The following TAFA1 variants were observed in gnomAD, a reference collection of about 807,000 sequenced individuals.
TAFA1 encodes chemokine-like protein TAFA-1.
TAFA1 carries 4 observed loss-of-function variants against 18.5 expected under a neutral mutation model. The ratio of observed to expected loss-of-function variants is 0.22; its 90% CI spans 0.11 to 0.49. The LOEUF (loss-of-function observed/expected upper bound fraction) is 0.49. Ranked by LOEUF, TAFA1 falls within the 20% of genes least tolerant of loss-of-function variation. The probability of loss-of-function intolerance (pLI) is 0.98; values close to 1 mark genes in which losing one functional copy is unlikely to be tolerated. For missense variants in TAFA1, 147 were observed against 169.0 expected, an observed-to-expected ratio of 0.87 and a Z score of 0.72; for synonymous variants, 56 against 55.2, an observed-to-expected ratio of 1.01 and a Z score of -0.06.
chr3:68,103,886 G>T (rs1475707322), intron 2 of TAFA1, among the ~76,000 whole-genome samples: 1 of 152,080 alleles, frequency 6.6e-6, no homozygotes, highest in Non-Finnish European at 1.5e-5. Flanking sequence ...GAATACAAAT[G>T]ATTTTCTCGA....
chr3:68,087,359 G>C (rs558382996), intron 2 of TAFA1, among the ~76,000 whole-genome samples: 92 of 152,126 alleles, frequency 6.0e-4, no homozygotes, highest in Non-Finnish European at 1.0e-3. Flanking sequence ...AATGAAATTT[G>C]ACTATCCATA....
intron 2 of TAFA1, among the ~76,000 whole-genome samples, chr3:68,226,958 G>C (rs924653006): frequency 6.6e-6 from 1 of 152,142 alleles, no homozygotes; most frequent in Non-Finnish European, 1.5e-5. Context: ...AGGAGTAAAG[G>C]GTACGTAGCC....
intron 3 of TAFA1, among the ~76,000 whole-genome samples, chr3:68,493,456 C>A (rs763831221): frequency 1.3e-5 from 2 of 152,192 alleles, no homozygotes; most frequent in Admixed American, 1.3e-4. Context: ...CATGGGTGCA[C>A]AAATGTCTCT....
At position 68,510,799 on chromosome 3, in the gene TAFA1, A is replaced by T. The variant is rs549013964; in HGVS notation, c.260-27957A>T. ...TCTTTTGCATAGTAAAGGTAAAATG[A>T]ATAAAACAAAAATAAAAATGCAAGA... is the stretch of plus-strand genomic sequence containing the variant. On this transcript the variant is annotated intron_variant, in intron 3 of 4. Coordinates refer to ENST00000478136, the MANE Select transcript of TAFA1 (RefSeq NM_213609.4). 3.6e-3 allele frequency among the ~76,000 whole-genome samples: 547 copies of T among 152,254 alleles called. 1 individual carries two copies. The highest frequency in any genetic ancestry group is 9.0e-3 in the Admixed American group (137 of 15,272).
rs771677228 is a variant in TAFA1 at position 68,545,597 on chromosome 3, A to T, written c.*1094A>T. The T allele has an allele frequency of 6.5e-5, 10 of 152,694 alleles. No individual in the cohort carries two copies. Among genetic ancestry groups the T allele is most frequent in the Non-Finnish European group, 1.5e-5 (1 of 67,994 alleles). The allele number at this position is 152,694 out of a possible 1,614,324, so 9.5% of individuals were successfully genotyped here. A position where few individuals can be genotyped will look rare whatever the true frequency, so the allele number is the denominator to read the frequency against. ...GACCAAATGTTGGACAGCCCTATTA[A>T]AGTGGTAAACAACTTCTTTCTAAAC... On this transcript the variant is annotated 3_prime_UTR_variant, in exon 5 of 5. Transcript: ENST00000478136.
At chr3:68,021,020 T>C (rs1009160863) in intron 2 of TAFA1, among the ~76,000 whole-genome samples, 6 of 151,598 alleles carry the variant, frequency 4.0e-5, no homozygotes, top group Admixed American at 3.3e-4. Context: ...ACCCCATCTC[T>C]ACTAAAAATA....
chr3:68,275,292 T>C (rs1211303924), intron 2 of TAFA1, among the ~76,000 whole-genome samples: 1 of 151,928 alleles, frequency 6.6e-6, no homozygotes, highest in Non-Finnish European at 1.5e-5. Flanking sequence ...GCAATCTTTG[T>C]GGGGGAGTGA....
At chr3:68,008,750 T>C (rs1250495408) in intron 2 of TAFA1, among the ~76,000 whole-genome samples, 1 of 152,076 alleles carries the variant, frequency 6.6e-6, no homozygotes, top group Non-Finnish European at 1.5e-5. Context: ...CAATCTCAAC[T>C]GCACACCCAT....
At chr3:68,532,880 AAATAAT>A (rs3037452) in intron 3 of TAFA1, among the ~76,000 whole-genome samples, 178 of 146,438 alleles carry the variant, frequency 1.2e-3, no homozygotes, top group South Asian at 3.2e-3. Flanking sequence ...TTGTAAAGCA[AAATAAT>A]AATAATAATA....
intron 3 of TAFA1, among the ~76,000 whole-genome samples, chr3:68,471,163 G>A (rs1017889959): frequency 5.3e-5 from 8 of 152,198 alleles, no homozygotes; most frequent in Non-Finnish European, 1.0e-4. Flanking sequence ...TTGAGATTTG[G>A]GGACCTCCAC....
At chr3:68,242,682 G>A (rs190142206) in intron 2 of TAFA1, among the ~76,000 whole-genome samples, 1 of 152,088 alleles carries the variant, frequency 6.6e-6, no homozygotes, top group Non-Finnish European at 1.5e-5. Flanking sequence ...TCCTACTTAA[G>A]TGTTATTGGT....
intron 2 of TAFA1, among the ~76,000 whole-genome samples, chr3:68,340,142 T>A (rs1050577942): frequency 6.6e-6 from 1 of 152,246 alleles, no homozygotes; most frequent in South Asian, 2.1e-4. Flanking sequence ...CCACTGTGTT[T>A]TTGACATACA....
At chr3:68,453,456 A>C (rs535787964) in intron 3 of TAFA1, among the ~76,000 whole-genome samples, 10 of 152,294 alleles carry the variant, frequency 6.6e-5, no homozygotes, top group Admixed American at 2.6e-4. Context: ...GGATGCCCCA[A>C]ATGAGGAGGA....
intron 2 of TAFA1, among the ~76,000 whole-genome samples, chr3:68,162,178 G>A (rs563391671): frequency 1.3e-5 from 2 of 152,192 alleles, no homozygotes; most frequent in East Asian, 1.9e-4. Context: ...CAGGATCAAA[G>A]GTTCCTCAAC....
intron 3 of TAFA1, among the ~76,000 whole-genome samples, chr3:68,439,585 A>G (rs1349957970): frequency 1.3e-5 from 2 of 151,794 alleles, no homozygotes; most frequent in South Asian, 2.1e-4. Flanking sequence ...AGTATACAGC[A>G]TGGGAGAAAG....
chr3:68,034,225 C>G (rs563255038), intron 2 of TAFA1, among the ~76,000 whole-genome samples: 86 of 152,248 alleles, frequency 5.6e-4, no homozygotes, highest in African/African-American at 1.9e-3. Context: ...CTGAGAGTCC[C>G]TGGAATGCTT....
chr3:68,145,731 C>T (rs1288199688), intron 2 of TAFA1: 2 of 680,486 alleles, frequency 2.9e-6, no homozygotes, highest in East Asian at 2.7e-5. Flanking sequence ...ATGGCTTAAG[C>T]ACCTCAGCAT....
chr3:68,246,918 C>T (rs2067092359), intron 2 of TAFA1: 2 of 152,108 alleles, frequency 1.3e-5, no homozygotes. Context: ...AATGTTAGAA[C>T]ATGGAATCAG....
At chr3:68,310,583 A>G (rs2068498160) in intron 2 of TAFA1, among the ~76,000 whole-genome samples, 1 of 152,210 alleles carries the variant, frequency 6.6e-6, no homozygotes, top group Non-Finnish European at 1.5e-5. Context: ...ATTATAATTC[A>G]TATAAACACT....
Sources: gnomAD v4.1 joint callset for allele counts (sites outside exome capture counted in the v4.1 genomes callset) on GRCh38, gnomAD v4.1.1 for gene constraint, MANE v1.5 for transcripts, NCBI Gene and HGNC (gene_info 2026-07-23, HGNC 2026-07-21) for gene names.